LAMA2: variants seen among roughly 807,000 people sequenced by gnomAD.
LAMA2 encodes the protein laminin subunit alpha-2.
In LAMA2, 269 loss-of-function variants were observed where a neutral mutation model predicts 364.8. That is an observed-to-expected ratio of 0.74 (90% CI 0.67 to 0.82). The LOEUF is 0.82. Ranked by LOEUF, LAMA2 falls within the 40% of genes least tolerant of loss-of-function variation. The probability of loss-of-function intolerance (pLI) is 0.00; values close to 1 mark genes in which losing one functional copy is unlikely to be tolerated. For synonymous variants in LAMA2, 1,379 were observed against 1,370.6 expected, an observed-to-expected ratio of 1.01 and a Z score of -0.14; for missense variants, 3,807 against 3,873.2, an observed-to-expected ratio of 0.98 and a Z score of 0.45.
chr6:129,485,073 CTCG>C (rs1419932533), intron 55 of LAMA2, among the ~76,000 whole-genome samples: 31 of 152,190 alleles, frequency 2.0e-4, no homozygotes, highest in Middle Eastern at 3.4e-3. Flanking sequence ...TACAAATGCC[CTCG>C]TCAATTTTTT....
At chr6:128,998,286 T>C (rs987013246) in intron 1 of LAMA2, among the ~76,000 whole-genome samples, 1 of 152,160 alleles carries the variant, frequency 6.6e-6, no homozygotes, top group African/African-American at 2.4e-5. Flanking sequence ...GAAAACTGAT[T>C]AAGAAGTAGC....
rs35235056 is a variant in LAMA2 at position 129,431,397 on chromosome 6, T to TAA, written c.5968+3560_5968+3561dup. ...CTGGGCAACAGAGTGAGACTCTATC[T>TAA]AAAAAAAAAAAAAAAAAACTAGGTA... On this transcript the variant is annotated intron_variant, in intron 41 of 64. Transcript: ENST00000421865. 1.1e-3 allele frequency among the ~76,000 whole-genome samples: 104 copies of TAA among 98,392 alleles called. 1 individual carries two copies. Among genetic ancestry groups the TAA allele is most frequent in the African/African-American group, 3.2e-3 (83 of 26,280 alleles). The allele number at this position is 98,392 out of a possible 152,430, so 64.5% of individuals were successfully genotyped here.
chr6:129,271,256 C>T lies in LAMA2; in HGVS notation c.2450+505C>T, dbSNP rs182313429. On this transcript the variant is annotated intron_variant, in intron 17 of 64. Transcript: ENST00000421865. ...TCTATCCCTTCTTTTTAGAAAAATT[C>T]GTTGTTCACCTAGAACAACCACCTC... Among the ~76,000 whole-genome samples, 824 of 152,010 alleles carry T rather than the reference C, an allele frequency of 5.4e-3. 5 individuals carry two copies. The highest frequency in any genetic ancestry group is 0.01 in the Middle Eastern group (3 of 294).
At chr6:129,399,958 A>C (rs1447773707) in intron 37 of LAMA2, among the ~76,000 whole-genome samples, 1 of 152,204 alleles carries the variant, frequency 6.6e-6, no homozygotes, top group Non-Finnish European at 1.5e-5. Context: ...CCTTAAAGGA[A>C]TCATTTAATA....
chr6:128,938,816 T>C (rs1779990105), intron 1 of LAMA2, among the ~76,000 whole-genome samples: 1 of 152,134 alleles, frequency 6.6e-6, no homozygotes, highest in African/African-American at 2.4e-5. Context: ...TAGAATTCTA[T>C]CATCTTGACT....
At chr6:129,197,791 A>C (rs951840479) in intron 12 of LAMA2, among the ~76,000 whole-genome samples, 7 of 152,230 alleles carry the variant, frequency 4.6e-5, no homozygotes, top group African/African-American at 1.7e-4. Context: ...TATTTCCCAT[A>C]GCTATGATAG....
chr6:129,114,662 A>G (rs1776357814), intron 4 of LAMA2, among the ~76,000 whole-genome samples: 1 of 151,866 alleles, frequency 6.6e-6, no homozygotes, highest in Non-Finnish European at 1.5e-5. Context: ...TCTTTCTTAG[A>G]TGATTAGGTA....
intron 12 of LAMA2, among the ~76,000 whole-genome samples, chr6:129,205,576 T>C (rs999238039): frequency 2.7e-5 from 4 of 150,756 alleles, no homozygotes; most frequent in Non-Finnish European, 5.9e-5. Context: ...ATTCCAGAAA[T>C]GTTTGTAATT....
At chr6:129,219,981 A>AAAAAT (rs1296009613) in intron 12 of LAMA2, among the ~76,000 whole-genome samples, 2 of 151,996 alleles carry the variant, frequency 1.3e-5, no homozygotes, top group East Asian at 3.9e-4. Context: ...ATAATAAAAT[A>AAAAAT]AAAATAAAAT....
chr6:129,178,988 T>C (rs1413695676), intron 10 of LAMA2, among the ~76,000 whole-genome samples: 2 of 152,158 alleles, frequency 1.3e-5, no homozygotes, highest in Non-Finnish European at 2.9e-5. Flanking sequence ...AGCAGAAAAG[T>C]CCACAAGCCC....
At position 129,320,631 on chromosome 6, in the gene LAMA2, G is replaced by C; in HGVS notation, c.4152G>C (p.Leu1384=). Reference sequence around the variant, plus strand: ...TGATTGAAAAATGTGATTGTCCCCTGGGCTATTCTGGCCTGTCCTGTGAGG... The same window carrying C: ...TGATTGAAAAATGTGATTGTCCCCTCGGCTATTCTGGCCTGTCCTGTGAGG... ...ADLIEKCDCP[L]GYSGLSCEAC... is the part of the protein sequence containing the mutation. The change falls in exon 28 of 65, where the codon CTG becomes CTC. Residue 1384 remains leucine (L), a synonymous_variant. Transcript: ENST00000421865. 1 of 1,611,162 alleles carries C rather than the reference G, an allele frequency of 6.2e-7. No individual in the cohort carries two copies. Among genetic ancestry groups the C allele is most frequent in the Non-Finnish European group, 8.5e-7 (1 of 1,177,450 alleles).
chr6:129,208,641 AGAAG>A (rs1264852401), intron 12 of LAMA2, among the ~76,000 whole-genome samples: 4 of 148,682 alleles, frequency 2.7e-5, no homozygotes, highest in Non-Finnish European at 6.0e-5. Flanking sequence ...GAAGAAAGAA[AGAAG>A]GAAGGAAGAG....
At chr6:129,139,737 C>G (rs1010913463) in intron 4 of LAMA2, among the ~76,000 whole-genome samples, 1 of 151,970 alleles carries the variant, frequency 6.6e-6, no homozygotes, top group African/African-American at 2.4e-5. Context: ...TAAGAGGTCC[C>G]CAGATGTCTC....
At chr6:129,230,831 A>G (rs1784631830) in intron 12 of LAMA2, among the ~76,000 whole-genome samples, 1 of 152,044 alleles carries the variant, frequency 6.6e-6, no homozygotes, top group African/African-American at 2.4e-5. Flanking sequence ...AAAATAATTG[A>G]CCATGGAATC....
At chr6:129,106,155 T>G (rs571506123) in intron 4 of LAMA2, among the ~76,000 whole-genome samples, 2 of 131,690 alleles carry the variant, frequency 1.5e-5, no homozygotes, top group South Asian at 4.5e-4. Context: ...TGAAGACACT[T>G]TTTTTTTTTT....
At chr6:128,983,646 T>C (rs912429283) in intron 1 of LAMA2, among the ~76,000 whole-genome samples, 1 of 152,210 alleles carries the variant, frequency 6.6e-6, no homozygotes, top group African/African-American at 2.4e-5. Flanking sequence ...TTGGATTTTG[T>C]CTTCTAGTGA....
intron 22 of LAMA2, among the ~76,000 whole-genome samples, chr6:129,310,580 T>G (rs761857361): frequency 2.0e-5 from 3 of 152,158 alleles, no homozygotes; most frequent in Non-Finnish European, 4.4e-5. Context: ...TGCCAAGTCA[T>G]GCTCTGCTTG....
At chr6:129,396,478 A>T (rs545146774) in intron 37 of LAMA2, among the ~76,000 whole-genome samples, 5 of 152,286 alleles carry the variant, frequency 3.3e-5, no homozygotes, top group African/African-American at 9.6e-5. Flanking sequence ...TACAGCAGAA[A>T]AACTTTCAAA....
intron 6 of LAMA2, among the ~76,000 whole-genome samples, chr6:129,147,579 T>C (rs1169096736): frequency 6.6e-6 from 1 of 152,036 alleles, no homozygotes; most frequent in African/African-American, 2.4e-5. Flanking sequence ...TGCTTTTTGA[T>C]AGAATTTTTT....
Sources: gnomAD v4.1 joint callset for allele counts (sites outside exome capture counted in the v4.1 genomes callset) on GRCh38, gnomAD v4.1.1 for gene constraint, MANE v1.5 for transcripts, NCBI Gene and HGNC (gene_info 2026-07-23, HGNC 2026-07-21) for gene names.